The following TMEM40 variants were observed in gnomAD, a reference collection of about 807,000 sequenced individuals.
TMEM40 encodes the protein transmembrane protein 40.
A neutral mutation model predicts 40.8 loss-of-function variants in TMEM40; 34 were observed. The observed-to-expected ratio is 0.83, with a 90% confidence interval of 0.63 to 1.11. The LOEUF is 1.11. Ranked by LOEUF, TMEM40 falls within the 50% of genes least tolerant of loss-of-function variation. TMEM40 has a pLI of 0.00. For missense variants in TMEM40, 296 were observed against 280.2 expected, an observed-to-expected ratio of 1.06 and a Z score of -0.40; for synonymous variants, 106 against 107.0, an observed-to-expected ratio of 0.99 and a Z score of 0.06.
chr3:12,743,813 C>T lies in TMEM40; in HGVS notation c.301+87G>A, dbSNP rs917341779. On this transcript the variant is annotated intron_variant, in intron 4 of 11. Transcript: ENST00000314124. ...CTATTTTATCCTGCCATAAACAATG[C>T]TGTGAAGAACATCACACTTCAGTCC... 114 of 1,268,514 alleles carry T rather than the reference C, an allele frequency of 9.0e-5. No homozygotes were observed. In the East Asian group the frequency reaches 2.7e-3, roughly 30 times the overall value. 78.6% of individuals were successfully genotyped at this position (1,268,514 alleles called of 1,614,324 possible).
At chr3:12,768,934 CGGGGGGGG>C (rs2061608398) in intron 1 of TMEM40, among the ~76,000 whole-genome samples, 1 of 13,728 alleles carries the variant, frequency 7.3e-5, no homozygotes, top group African/African-American at 9.8e-5. Flanking sequence ...CGGGGCGGGG[CGGGGGGGG>C]CGGGGGGGGC....
chr3:12,765,122 G>T (rs2061588091), intron 1 of TMEM40, among the ~76,000 whole-genome samples: 1 of 152,144 alleles, frequency 6.6e-6, no homozygotes, highest in Non-Finnish European at 1.5e-5. Context: ...CTCCTAAAGT[G>T]CTGGGATTAC....
upstream of TMEM40, among the ~76,000 whole-genome samples, chr3:12,761,275 G>A (rs2061566863): frequency 6.6e-6 from 1 of 152,218 alleles, no homozygotes. Context: ...GGGATGGGGA[G>A]CCACCTGAGA....
chr3:12,748,545 G>T, intron 3 of TMEM40, 110 bp downstream of exon 3: 1 of 1,426,160 alleles, frequency 7.0e-7, no homozygotes, highest in Non-Finnish European at 9.5e-7. Flanking sequence ...AGAATGTGGA[G>T]AAACGGTATT....
At chr3:12,768,208 C>T (rs1178129414) in intron 1 of TMEM40, among the ~76,000 whole-genome samples, 1 of 152,110 alleles carries the variant, frequency 6.6e-6, no homozygotes, top group Admixed American at 6.5e-5. Flanking sequence ...CCAGTGGGTT[C>T]GTGGTCTATG....
Position 12,755,198 on chromosome 3 carries a change from CCTTT to C in TMEM40, c.-9+3989_-9+3992del, listed in dbSNP as rs1209189122. On this transcript the variant is annotated intron_variant, in intron 1 of 11. Coordinates refer to ENST00000314124, the MANE Select transcript of TMEM40 (RefSeq NM_018306.4). ...TCTCTCTCTCCTTCCTTCCTTCCTTCCTTTCTTTCTTTCTTTCTCTCTCTCTCTC... is the reference window on the plus strand; with the variant it reads ...TCTCTCTCTCCTTCCTTCCTTCCTTCCTTTCTTTCTTTCTCTCTCTCTCTC... Among the ~76,000 whole-genome samples, 42 of 118,994 alleles carry C rather than the reference CCTTT, an allele frequency of 3.5e-4. 1 individual carries two copies. Among genetic ancestry groups the C allele is most frequent in the Middle Eastern group, 8.0e-3 (2 of 250 alleles). 78.1% of individuals were successfully genotyped at this position (118,994 alleles called of 152,430 possible). A position where few individuals can be genotyped will look rare whatever the true frequency, so the allele number is the denominator to read the frequency against.
At chr3:12,756,427 C>T (rs1257869684) in intron 1 of TMEM40, among the ~76,000 whole-genome samples, 1 of 152,146 alleles carries the variant, frequency 6.6e-6, no homozygotes, top group African/African-American at 2.4e-5. Flanking sequence ...ATCCTCAGAC[C>T]AAGCTAGATA....
Position 12,734,693 on chromosome 3 carries a change from T to C in TMEM40, c.*81A>G. The stretch of plus-strand genomic sequence containing the variant: ...TTGGTCTCCTGTGCGTCTCTCAGAA[T>C]GCTGCTCTGCCCTTGTGGGCTCAGG... On this transcript the variant is annotated 3_prime_UTR_variant, in exon 12 of 12. Coordinates refer to ENST00000314124, the MANE Select transcript of TMEM40 (RefSeq NM_018306.4). 7 of 1,496,348 alleles carry C rather than the reference T, an allele frequency of 4.7e-6. No individual in the cohort carries two copies. The Admixed American group carries it at 5.8e-5, about 12-fold the overall frequency. 92.7% of individuals were successfully genotyped at this position (1,496,348 alleles called of 1,614,324 possible). A position where few individuals can be genotyped will look rare whatever the true frequency, so the allele number is the denominator to read the frequency against.
chr3:12,758,268 C>T (rs2061543805), intron 1 of TMEM40, among the ~76,000 whole-genome samples: 1 of 152,148 alleles, frequency 6.6e-6, no homozygotes, highest in Admixed American at 6.5e-5. Context: ...GCTACACTAG[C>T]TTGAGTTCAC....
chr3:12,755,233 C>CTCTCTT (rs1553634013), intron 1 of TMEM40, among the ~76,000 whole-genome samples: 2,246 of 59,856 alleles, frequency 0.038, 83 homozygotes, highest in Non-Finnish European at 0.053. Context: ...CTCTCTCTCT[C>CTCTCTT]TCTTTCTTTC....
chr3:12,743,522 T>C (rs115674813), intron 4 of TMEM40, among the ~76,000 whole-genome samples: 3,030 of 152,268 alleles, frequency 0.02, 92 homozygotes, highest in African/African-American at 0.067. Flanking sequence ...AAATTATTTA[T>C]AGTATAGGAC....
intron 5 of TMEM40, among the ~76,000 whole-genome samples, chr3:12,739,425 C>T (rs1303811529): frequency 3.3e-5 from 5 of 152,068 alleles, no homozygotes; most frequent in Non-Finnish European, 7.3e-5. Flanking sequence ...GCTGGGACTA[C>T]AGGCGCCCGC....
At chr3:12,743,545 G>T (rs530403840) in intron 4 of TMEM40, among the ~76,000 whole-genome samples, 1 of 152,202 alleles carries the variant, frequency 6.6e-6, no homozygotes, top group East Asian at 1.9e-4. Flanking sequence ...TTCAAAAAAG[G>T]GAAAATAAAA....
intron 11 of TMEM40, 73 bp downstream of exon 11, chr3:12,735,482 T>C (rs775512000): frequency 1.3e-5 from 20 of 1,491,006 alleles, no homozygotes; most frequent in Admixed American, 1.0e-4. Context: ...CTTTCCTGTA[T>C]GCTAAGCCTC....
chr3:12,762,414 G>A (rs1294098468), upstream of TMEM40, among the ~76,000 whole-genome samples: 1 of 152,224 alleles, frequency 6.6e-6, no homozygotes, highest in Admixed American at 6.5e-5. Context: ...AACTGGCAGA[G>A]GCTGGAGTAC....
chr3:12,762,278 A>G (rs545831108), upstream of TMEM40, among the ~76,000 whole-genome samples: 1 of 152,350 alleles, frequency 6.6e-6, no homozygotes, highest in South Asian at 2.1e-4. Context: ...GTCTGGATAT[A>G]TTATTAAAAT....
intron 11 of TMEM40, among the ~76,000 whole-genome samples, chr3:12,735,317 C>T (rs1005166715): frequency 1.3e-5 from 2 of 152,220 alleles, no homozygotes; most frequent in Non-Finnish European, 2.9e-5. Context: ...ATCCATTCCT[C>T]ACTTGATCTT....
chr3:12,748,795 A>T lies in TMEM40; in HGVS notation c.74-3T>A. ...CTTGTGGAAATCTGTCTCTCCATCTACAAGGCACACAGAGGCCAGGGGATG... is the reference window on the plus strand; with the variant it reads ...CTTGTGGAAATCTGTCTCTCCATCTTCAAGGCACACAGAGGCCAGGGGATG... On this transcript the variant is annotated splice_region_variant and splice_polypyrimidine_tract_variant and intron_variant, in intron 2 of 11. Coordinates refer to ENST00000314124, the MANE Select transcript of TMEM40 (RefSeq NM_018306.4). 1 of 1,613,822 alleles carries T rather than the reference A, an allele frequency of 6.2e-7. No individual in the cohort carries two copies. Among genetic ancestry groups the T allele is most frequent in the Non-Finnish European group, 8.5e-7 (1 of 1,179,866 alleles).
chr3:12,756,843 A>T (rs1346106490), intron 1 of TMEM40, among the ~76,000 whole-genome samples: 2 of 150,964 alleles, frequency 1.3e-5, no homozygotes, highest in Non-Finnish European at 3.0e-5. Context: ...CACAACACAC[A>T]CCACACATAT....
Sources: gnomAD v4.1 joint callset for allele counts (sites outside exome capture counted in the v4.1 genomes callset) on GRCh38, gnomAD v4.1.1 for gene constraint, MANE v1.5 for transcripts, NCBI Gene and HGNC (gene_info 2026-07-23, HGNC 2026-07-21) for gene names.